The following GFOD1 variants were observed in gnomAD, a reference collection of about 807,000 sequenced individuals.
GFOD1 encodes the protein glucose-fructose oxidoreductase domain-containing protein 1.
Under a neutral mutation model 25.4 loss-of-function variants are expected in GFOD1, and 9 were observed. The observed-to-expected ratio is 0.35, with a 90% CI of 0.21 to 0.62. The LOEUF (loss-of-function observed/expected upper bound fraction) is 0.62, where lower values mean the gene tolerates loss of function less well. GFOD1 is among the 20% of genes least tolerant of loss of function. The probability of loss-of-function intolerance (pLI) is 0.72; values close to 1 mark genes in which losing one functional copy is unlikely to be tolerated. For missense variants in GFOD1, 403 were observed against 556.9 expected (o/e 0.72, Z 2.78); for synonymous variants, 253 against 245.6 (o/e 1.03, Z -0.28).
intron 1 of GFOD1, among the ~76,000 whole-genome samples, chr6:13,437,053 C>A (rs541407896): frequency 1.0e-3 from 152 of 152,254 alleles, no homozygotes; most frequent in African/African-American, 3.4e-3. Flanking sequence ...CTCCTAAAAC[C>A]ACTTTCAGAG....
In GFOD1 at chr6:13,443,543, C is replaced by T. The variant is rs572608973; in HGVS notation, c.253+43095G>A. Among the ~76,000 whole-genome samples, 38 of 152,204 alleles carry T rather than the reference C, an allele frequency of 2.5e-4. No individual in the cohort carries two copies. The East Asian group carries it at 6.4e-3, about 26-fold the overall frequency. ...ATTTTAAGAAATTGCCAGCCAGGCA[C>T]GATGGCTCATGCCTGTAATTCCAGC... On this transcript the variant is annotated intron_variant, in intron 1 of 1. Transcript: ENST00000379287.
intron 1 of GFOD1, among the ~76,000 whole-genome samples, chr6:13,385,250 G>A (rs936569718): frequency 9.9e-5 from 15 of 152,170 alleles, no homozygotes; most frequent in African/African-American, 3.1e-4. Context: ...CTTCCGTGTA[G>A]GTATCTCAAG....
chr6:13,472,669 T>C (rs561162446), intron 1 of GFOD1, among the ~76,000 whole-genome samples: 2 of 152,340 alleles, frequency 1.3e-5, no homozygotes, highest in African/African-American at 2.4e-5. Context: ...TGAAGTCTGA[T>C]GGGACAGCCT....
At chr6:13,482,744 T>C (rs2127579988) in intron 1 of GFOD1, among the ~76,000 whole-genome samples, 1 of 152,210 alleles carries the variant, frequency 6.6e-6, no homozygotes, top group East Asian at 1.9e-4. Flanking sequence ...CGAGGCTCCG[T>C]CTCAAAAAAT....
In GFOD1 at chr6:13,374,605, C is replaced by G. The variant is rs187408750; in HGVS notation, c.254-8943G>C. On this transcript the variant is annotated intron_variant, in intron 1 of 1. Transcript: ENST00000379287. ...ACAGGTGTGAACCACCACGCCCAGC[C>G]AAAAATAAGTTTTTTTAATTGACAC... Among the ~76,000 whole-genome samples the G allele has an allele frequency of 2.1e-3, 314 of 150,752 alleles. 2 individuals are homozygous for G. The highest frequency in any genetic ancestry group is 7.0e-3 in the African/African-American group (287 of 41,044).
intron 1 of GFOD1, among the ~76,000 whole-genome samples, chr6:13,463,018 T>G (rs1306428795): frequency 6.6e-6 from 1 of 152,234 alleles, no homozygotes; most frequent in Non-Finnish European, 1.5e-5. Flanking sequence ...AGAGCAGCTC[T>G]CTTTTCAAAC....
intron 1 of GFOD1, among the ~76,000 whole-genome samples, chr6:13,425,982 C>T (rs11967773): frequency 0.022 from 3,351 of 152,316 alleles, 128 homozygotes; most frequent in African/African-American, 0.072. Context: ...AAAGCCGTGC[C>T]GGGCTGCAGG....
Position 13,358,354 on chromosome 6 carries a change from C to T in GFOD1, c.*6389G>A, listed in dbSNP as rs1178429209. Reference sequence around the variant, plus strand: ...TACATATATACTCATGTTTGTAAAACACAATAAATATATACTCGACAATGA... The same window carrying T: ...TACATATATACTCATGTTTGTAAAATACAATAAATATATACTCGACAATGA... On this transcript the variant is annotated 3_prime_UTR_variant, in exon 2 of 2. Transcript: ENST00000379287. 1 of 151,818 alleles carries T rather than the reference C, an allele frequency of 6.6e-6. No individual in the cohort carries two copies. The highest frequency in any genetic ancestry group is 1.5e-5 in the Non-Finnish European group (1 of 67,980). The allele number at this position is 151,818 out of a possible 1,614,324, so 9.4% of individuals were successfully genotyped here. A position where few individuals can be genotyped will look rare whatever the true frequency, so the allele number is the denominator to read the frequency against.
intron 1 of GFOD1, among the ~76,000 whole-genome samples, chr6:13,476,379 G>C (rs1457181623): frequency 1.3e-5 from 2 of 152,180 alleles, no homozygotes; most frequent in Non-Finnish European, 2.9e-5. Context: ...TTATATGAAA[G>C]TTCTAGGAAA....
chr6:13,382,513 C>T (rs1785388307), intron 1 of GFOD1, among the ~76,000 whole-genome samples: 2 of 152,134 alleles, frequency 1.3e-5, no homozygotes, highest in South Asian at 4.2e-4. Context: ...TGAGGCCTCC[C>T]CAGACATGTG....
chr6:13,434,165 G>T (rs201363303), intron 1 of GFOD1, among the ~76,000 whole-genome samples: 6 of 151,120 alleles, frequency 4.0e-5, no homozygotes, highest in East Asian at 3.9e-4. Context: ...GAGGTCAAGT[G>T]CAGGGCATTA....
In GFOD1 at chr6:13,486,881, C is replaced by G; in HGVS notation, c.10G>C (p.Gly4Arg). The part of the protein sequence containing the change: MLP[G>R]VGVFGTSLTA... ...AGGCTGGTGCCGAACACGCCCACCC[C>G]GGGAAGCATGGCTGCTCAGAGCCGC... Residue 4 changes from glycine (G) to arginine (R), a missense_variant, in exon 1 of 2, where the codon GGG (glycine) becomes CGG (arginine). By Grantham distance (125) the Gly-to-Arg change is moderately radical. Transcript: ENST00000379287. The G allele has an allele frequency of 6.2e-7, 1 of 1,610,292 alleles. No homozygotes were observed. Among genetic ancestry groups the G allele is most frequent in the Non-Finnish European group, 8.5e-7 (1 of 1,179,932 alleles).
chr6:13,485,782 GA>G (rs1417802780), intron 1 of GFOD1, among the ~76,000 whole-genome samples: 1 of 152,182 alleles, frequency 6.6e-6, no homozygotes, highest in Non-Finnish European at 1.5e-5. Flanking sequence ...GGCGATTAGG[GA>G]GGGCCTTTTC....
chr6:13,475,574 C>T (rs1758602602), intron 1 of GFOD1, among the ~76,000 whole-genome samples: 1 of 151,254 alleles, frequency 6.6e-6, no homozygotes, highest in Admixed American at 6.6e-5. Flanking sequence ...AAAAATCAGC[C>T]AGGTGTGGTG....
intron 1 of GFOD1, among the ~76,000 whole-genome samples, chr6:13,381,116 AGC>A (rs1785354689): frequency 1.3e-5 from 2 of 152,320 alleles, no homozygotes; most frequent in South Asian, 4.1e-4. Flanking sequence ...GGGGGTGGAG[AGC>A]AGTCATGCTG....
chr6:13,398,045 GC>G (rs1250200770), intron 1 of GFOD1, among the ~76,000 whole-genome samples: 3 of 152,182 alleles, frequency 2.0e-5, no homozygotes, highest in Non-Finnish European at 4.4e-5. Flanking sequence ...CAAACCTGGA[GC>G]CTCTGCCGCT....
At chr6:13,402,002 G>A (rs918237740) in intron 1 of GFOD1, among the ~76,000 whole-genome samples, 1 of 152,226 alleles carries the variant, frequency 6.6e-6, no homozygotes, top group Non-Finnish European at 1.5e-5. Context: ...ATAGATCAAT[G>A]AGAAGAATTA....
chr6:13,412,084 T>C (rs1786086878), intron 1 of GFOD1, among the ~76,000 whole-genome samples: 1 of 152,188 alleles, frequency 6.6e-6, no homozygotes, highest in African/African-American at 2.4e-5. Flanking sequence ...TAGCAAGAGC[T>C]CCAATATTAG....
chr6:13,439,240 A>AT (rs5874417), intron 1 of GFOD1, among the ~76,000 whole-genome samples: 76,770 of 152,028 alleles, frequency 0.5, 21,195 homozygotes, highest in South Asian at 0.66. Context: ...ACAACTGAAA[A>AT]TTGAAAGAAG....
Sources: gnomAD v4.1 joint callset for allele counts (sites outside exome capture counted in the v4.1 genomes callset) on GRCh38, gnomAD v4.1.1 for gene constraint, MANE v1.5 for transcripts, NCBI Gene and HGNC (gene_info 2026-07-23, HGNC 2026-07-21) for gene names.